The following PSG3 variants were observed in gnomAD, a reference collection of about 807,000 sequenced individuals.
PSG3 encodes pregnancy specific beta-1-glycoprotein 3, also known as pregnancy-specific beta-1-glycoprotein 3.
In PSG3, 61 loss-of-function variants were observed where a neutral mutation model predicts 47.5. That is an observed-to-expected ratio of 1.28 (90% CI 1.05 to 1.59). PSG3 has a LOEUF of 1.59. Among genes scored for constraint, PSG3 ranks in the 40% most tolerant of loss-of-function variants. PSG3 has a pLI of 0.00. For synonymous variants in PSG3, 263 were observed against 198.4 expected, an observed-to-expected ratio of 1.33 and a Z score of -2.74; for missense variants, 756 against 524.0, an observed-to-expected ratio of 1.44 and a Z score of -4.32.
At chr19:42,728,510 C>CG (rs747092732) in intron 5 of PSG3, among the ~76,000 whole-genome samples, 4 of 152,126 alleles carry the variant, frequency 2.6e-5, no homozygotes, top group Admixed American at 2.0e-4. Flanking sequence ...CAGCCTGGCC[C>CG]GGGGGAGGCT....
chr19:42,722,391 C>G (rs998255673), intron 6 of PSG3, among the ~76,000 whole-genome samples: 3 of 152,166 alleles, frequency 2.0e-5, no homozygotes, highest in Non-Finnish European at 4.4e-5. Context: ...GCTGGGACTA[C>G]AGGTGCCTGC....
intron 3 of PSG3, among the ~76,000 whole-genome samples, chr19:42,731,162 G>A (rs1173650806): frequency 2.0e-5 from 3 of 152,142 alleles, no homozygotes; most frequent in East Asian, 1.9e-4. Flanking sequence ...AAGGTGGGGA[G>A]GTTCTAGAGA....
In PSG3 at chr19:42,738,874, C is replaced by T. The variant is rs1600392092; in HGVS notation, c.280G>A (p.Ala94Thr). The change falls in exon 2 of 7, where the codon GCA (alanine) becomes ACA (threonine). Residue 94 changes from alanine to threonine, a missense_variant. Transcript: ENST00000327495. ...VDGQIIIYGPAYSGRETVYSN... is the reference protein window; with the variant it reads ...VDGQIIIYGPTYSGRETVYSN... The stretch of plus-strand genomic sequence containing the variant: ...TATACTGTTTCTCGTCCACTGTATG[C>T]AGGCCCATATATAATTATTTGACCA... 1 of 1,614,126 alleles carries T rather than the reference C, an allele frequency of 6.2e-7. No individual in the cohort carries two copies.
chr19:42,724,690 C>T (rs1429786489), intron 5 of PSG3, among the ~76,000 whole-genome samples: 1 of 151,950 alleles, frequency 6.6e-6, no homozygotes. Flanking sequence ...TCATGCCTGC[C>T]CCACATTCCC....
intron 5 of PSG3, among the ~76,000 whole-genome samples, 198 bp downstream of exon 5, chr19:42,728,925 G>T (rs1279672597): frequency 6.6e-6 from 1 of 152,148 alleles, no homozygotes; most frequent in African/African-American, 2.4e-5. Context: ...CCAGACACAA[G>T]GTCAGCCATG....
chr19:42,726,298 A>G (rs1305272586), intron 5 of PSG3, among the ~76,000 whole-genome samples: 1 of 151,582 alleles, frequency 6.6e-6, no homozygotes, highest in Non-Finnish European at 1.5e-5. Context: ...AGTCAGAAAA[A>G]TTAGGCAAGA....
chr19:42,730,448 T>C (rs1969454984), intron 3 of PSG3, among the ~76,000 whole-genome samples: 1 of 152,186 alleles, frequency 6.6e-6, no homozygotes, highest in Non-Finnish European at 1.5e-5. Context: ...TTTGCCCCCA[T>C]AGATGTGATT....
At chr19:42,724,085 C>T (rs747790594) in intron 5 of PSG3, 60 bp from the exon 6 acceptor site, 4 of 1,547,158 alleles carry the variant, frequency 2.6e-6, no homozygotes, top group African/African-American at 2.7e-5. Context: ...ATGGGGGAGC[C>T]TCAGGAACAA....
intron 2 of PSG3, among the ~76,000 whole-genome samples, chr19:42,734,809 T>C (rs1314183886): frequency 6.6e-6 from 1 of 152,216 alleles, no homozygotes; most frequent in Non-Finnish European, 1.5e-5. Flanking sequence ...TGTGTTATGT[T>C]AGTAAATATA....
intron 5 of PSG3, among the ~76,000 whole-genome samples, chr19:42,726,395 A>C (rs1395510249): frequency 6.6e-6 from 1 of 152,250 alleles, no homozygotes; most frequent in Non-Finnish European, 1.5e-5. Flanking sequence ...GAAAATCCTA[A>C]AGATGGAACA....
intron 6 of PSG3, among the ~76,000 whole-genome samples, 168 bp from the exon 7 acceptor site, chr19:42,722,258 ATT>A (rs976471251): frequency 6.6e-6 from 1 of 150,788 alleles, no homozygotes; most frequent in Non-Finnish European, 1.5e-5. Context: ...CATTAAAAAA[ATT>A]TTTTTTTTGA....
intron 5 of PSG3, among the ~76,000 whole-genome samples, chr19:42,728,245 AAGTCT>A (rs1969406944): frequency 6.6e-6 from 1 of 152,212 alleles, no homozygotes; most frequent in Non-Finnish European, 1.5e-5. Flanking sequence ...AGTTAATGGT[AAGTCT>A]TATATTAGAT....
intron 2 of PSG3, among the ~76,000 whole-genome samples, chr19:42,735,010 A>T (rs1178666443): frequency 1.3e-5 from 2 of 152,196 alleles, no homozygotes; most frequent in East Asian, 3.8e-4. Context: ...CAGAACTCCA[A>T]CTTATGAAAA....
At chr19:42,735,398 G>T in intron 2 of PSG3, among the ~76,000 whole-genome samples, 1 of 151,348 alleles carries the variant, frequency 6.6e-6, no homozygotes. Flanking sequence ...ACAGAGTCTC[G>T]CTCTGTCACC....
At chr19:42,729,586 G>A (rs1312154704) in intron 4 of PSG3, among the ~76,000 whole-genome samples, 192 bp downstream of exon 4, 1 of 152,140 alleles carries the variant, frequency 6.6e-6, no homozygotes, top group Non-Finnish European at 1.5e-5. Flanking sequence ...TGACAAGAGC[G>A]TCCCCTCCCC....
At chr19:42,739,203 C>G (rs1600392737) in intron 1 of PSG3, 114 bp from the exon 2 acceptor site, 1 of 1,393,102 alleles carries the variant, frequency 7.2e-7, no homozygotes. Context: ...GAGACACACA[C>G]ACACACATAC....
chr19:42,734,805 A>C (rs1969535015), intron 2 of PSG3, among the ~76,000 whole-genome samples: 2 of 152,250 alleles, frequency 1.3e-5, no homozygotes, highest in South Asian at 2.1e-4. Flanking sequence ...GATGTGTGTT[A>C]TGTTAGTAAA....
chr19:42,725,714 A>G (rs1969365190), intron 5 of PSG3, among the ~76,000 whole-genome samples: 1 of 151,970 alleles, frequency 6.6e-6, no homozygotes, highest in South Asian at 2.1e-4. Context: ...AAAAAAGCCA[A>G]TTAGCTGCGC....
intron 2 of PSG3, among the ~76,000 whole-genome samples, chr19:42,734,932 T>C (rs1411068554): frequency 1.3e-5 from 2 of 152,238 alleles, no homozygotes; most frequent in Non-Finnish European, 2.9e-5. Flanking sequence ...ACACCACTAG[T>C]GTTTAAGTTT....
Sources: allele counts gnomAD v4.1 joint callset (sites outside exome capture counted in the v4.1 genomes callset), GRCh38; gene constraint gnomAD v4.1.1; transcripts MANE v1.5; gene names NCBI Gene and HGNC (gene_info 2026-07-23, HGNC 2026-07-21).